Variants in STXBP5L observed in about 807,000 individuals in gnomAD.
The protein encoded by STXBP5L is syntaxin-binding protein 5-like.
STXBP5L carries 65 observed loss-of-function variants against 144.5 expected under a neutral mutation model. The ratio of observed to expected loss-of-function variants is 0.45; its 90% CI spans 0.37 to 0.55. The LOEUF (loss-of-function observed/expected upper bound fraction) is 0.55, where lower values mean the gene tolerates loss of function less well. Among genes scored for constraint, STXBP5L ranks in the 20% least tolerant of loss-of-function variants. STXBP5L has a pLI of 0.00. For missense variants in STXBP5L, 1,298 were observed against 1,405.5 expected, an observed-to-expected ratio of 0.92 and a Z score of 1.22; for synonymous variants, 505 against 469.6, an observed-to-expected ratio of 1.08 and a Z score of -0.97.
intron 3 of STXBP5L, among the ~76,000 whole-genome samples, chr3:120,955,723 C>G (rs1306059813): frequency 1.3e-5 from 2 of 151,916 alleles, no homozygotes; most frequent in African/African-American, 4.8e-5. Context: ...TGACATTATA[C>G]AATCAAGATA....
At chr3:121,321,507 A>C (rs564038514) in intron 20 of STXBP5L, among the ~76,000 whole-genome samples, 3 of 152,300 alleles carry the variant, frequency 2.0e-5, no homozygotes, top group African/African-American at 7.2e-5. Flanking sequence ...ATACACCTAA[A>C]ACTACATTCT....
intron 19 of STXBP5L, among the ~76,000 whole-genome samples, chr3:121,311,670 C>T (rs895504362): frequency 6.6e-6 from 1 of 152,158 alleles, no homozygotes. Flanking sequence ...GAACTACAAA[C>T]CACTGCTCAA....
chr3:120,995,105 G>C (rs1472706354), intron 3 of STXBP5L, among the ~76,000 whole-genome samples: 3 of 151,982 alleles, frequency 2.0e-5, no homozygotes, highest in Non-Finnish European at 4.4e-5. Context: ...TAGGGATTAA[G>C]TCTGCAAATT....
At chr3:120,991,941 C>T (rs1263052905) in intron 3 of STXBP5L, among the ~76,000 whole-genome samples, 1 of 151,986 alleles carries the variant, frequency 6.6e-6, no homozygotes, top group Non-Finnish European at 1.5e-5. Context: ...TGCAGATGTA[C>T]CCTAAAACTT....
intron 3 of STXBP5L, among the ~76,000 whole-genome samples, chr3:121,027,129 G>A (rs1946007596): frequency 6.6e-6 from 1 of 151,908 alleles, no homozygotes; most frequent in South Asian, 2.1e-4. Flanking sequence ...ATATGTGTAT[G>A]TGTGTTTATA....
intron 14 of STXBP5L, among the ~76,000 whole-genome samples, chr3:121,247,485 T>C (rs766215097): frequency 1.2e-4 from 19 of 152,202 alleles, no homozygotes; most frequent in Admixed American, 2.0e-4. Context: ...CTCCCCACTC[T>C]AGTAGACTGC....
intron 19 of STXBP5L, among the ~76,000 whole-genome samples, chr3:121,293,357 A>T (rs1429547619): frequency 6.6e-6 from 1 of 152,198 alleles, no homozygotes; most frequent in African/African-American, 2.4e-5. Flanking sequence ...AGGGTTACAA[A>T]AGGGCACAAA....
At chr3:121,334,372 G>A (rs950215788) in intron 20 of STXBP5L, among the ~76,000 whole-genome samples, 2 of 151,930 alleles carry the variant, frequency 1.3e-5, no homozygotes, top group African/African-American at 2.4e-5. Context: ...TGAGGAGGAG[G>A]GATTTCTCTC....
intron 20 of STXBP5L, among the ~76,000 whole-genome samples, chr3:121,322,245 G>A (rs965195766): frequency 8.5e-5 from 13 of 152,140 alleles, no homozygotes; most frequent in East Asian, 7.7e-4. Flanking sequence ...TTGGGAGGCC[G>A]AGATGGGCGG....
chr3:121,050,097 T>C (rs1186402290), intron 5 of STXBP5L, among the ~76,000 whole-genome samples: 1 of 152,170 alleles, frequency 6.6e-6, no homozygotes, highest in Non-Finnish European at 1.5e-5. Context: ...CTGTGGGTGA[T>C]GCTGTTTCCC....
chr3:120,981,558 A>G (rs1941778218), intron 3 of STXBP5L, among the ~76,000 whole-genome samples: 1 of 152,064 alleles, frequency 6.6e-6, no homozygotes, highest in Non-Finnish European at 1.5e-5. Flanking sequence ...AATTATCCTT[A>G]GTAAGTTTTC....
chr3:121,110,265 A>G (rs1404601218), intron 5 of STXBP5L, among the ~76,000 whole-genome samples: 2 of 152,136 alleles, frequency 1.3e-5, no homozygotes, highest in Non-Finnish European at 2.9e-5. Context: ...CCAACTGGTT[A>G]TTTTGCAGAC....
intron 9 of STXBP5L, among the ~76,000 whole-genome samples, chr3:121,169,985 TAACA>T (rs878899254): frequency 2.0e-5 from 3 of 152,154 alleles, no homozygotes; most frequent in Admixed American, 6.5e-5. Flanking sequence ...ACAGATATCA[TAACA>T]AACAGTCTCT....
intron 9 of STXBP5L, among the ~76,000 whole-genome samples, chr3:121,176,747 G>C (rs1385657946): frequency 6.6e-6 from 1 of 151,542 alleles, no homozygotes; most frequent in Admixed American, 6.6e-5. Context: ...AACCCAATAA[G>C]GGTGACTGAG....
At chr3:121,348,282 C>G (rs1462883611) in intron 20 of STXBP5L, among the ~76,000 whole-genome samples, 1 of 152,100 alleles carries the variant, frequency 6.6e-6, no homozygotes, top group Non-Finnish European at 1.5e-5. Context: ...TATGTTGAAC[C>G]AGCCTTGCGT....
At chr3:120,927,899 T>C (rs1372645264) in intron 2 of STXBP5L, among the ~76,000 whole-genome samples, 1 of 152,188 alleles carries the variant, frequency 6.6e-6, no homozygotes, top group Non-Finnish European at 1.5e-5. Context: ...GTAGAAATAA[T>C]TTTATTTATT....
At chr3:120,985,620 A>G (rs1054535476) in intron 3 of STXBP5L, among the ~76,000 whole-genome samples, 3 of 150,558 alleles carry the variant, frequency 2.0e-5, no homozygotes, top group African/African-American at 7.3e-5. Flanking sequence ...GTCTATTCAG[A>G]TTTTCTGTTT....
At chr3:121,276,732 A>G (rs1188556885) in intron 18 of STXBP5L, among the ~76,000 whole-genome samples, 1 of 151,314 alleles carries the variant, frequency 6.6e-6, no homozygotes, top group Non-Finnish European at 1.5e-5. Flanking sequence ...TAATTTTTAC[A>G]TGTAATAAAT....
chr3:121,416,111 TTTG>T, intron 25 of STXBP5L, 143 bp downstream of exon 25: 1 of 607,604 alleles, frequency 1.6e-6, no homozygotes, highest in East Asian at 2.9e-5. Flanking sequence ...AGTTTGAATA[TTTG>T]TTTCCTTCTG....
Sources: allele counts gnomAD v4.1 joint callset (sites outside exome capture counted in the v4.1 genomes callset), GRCh38; gene constraint gnomAD v4.1.1; transcripts MANE v1.5; gene names NCBI Gene and HGNC (gene_info 2026-07-23, HGNC 2026-07-21).